Variants in CHD7 observed in about 807,000 individuals in gnomAD.
CHD7 encodes the protein chromodomain helicase DNA binding protein 7.
In CHD7, 24 loss-of-function variants were observed where a neutral mutation model predicts 307.3. The observed-to-expected ratio is 0.08, with a 90% CI of 0.06 to 0.11. The LOEUF (loss-of-function observed/expected upper bound fraction) is 0.11. CHD7 is among the 10% of genes least tolerant of loss of function. CHD7 has a pLI of 1.00. For synonymous variants in CHD7, 1,363 were observed against 1,349.9 expected (o/e 1.01, Z -0.21); for missense variants, 3,106 against 3,727.1 (o/e 0.83, Z 4.34).
Position 60,734,978 on chromosome 8 carries a change from G to C in CHD7, c.-174-6281G>C, listed in dbSNP as rs142610185. Among the ~76,000 whole-genome samples the C allele has an allele frequency of 3.9e-5, 6 of 152,362 alleles. No individual in the cohort carries two copies. In the East Asian group the frequency reaches 1.2e-3, roughly 29 times the overall value. Reference sequence around the variant, plus strand: ...AATTTTTTGTGGTTCACTAAACCATGAAGGTCTGATTACTTCAGAGCTAGT... The same window carrying C: ...AATTTTTTGTGGTTCACTAAACCATCAAGGTCTGATTACTTCAGAGCTAGT... On this transcript the variant is annotated intron_variant, in intron 1 of 37. Coordinates refer to ENST00000423902, the MANE Select transcript of CHD7 (RefSeq NM_017780.4).
chr8:60,679,516 G>T, intron 1 of CHD7: 1 of 147,378 alleles, frequency 6.8e-6, no homozygotes, highest in South Asian at 2.0e-4. Flanking sequence ...CGCCGGCGCC[G>T]AGCACGAGTT....
intron 2 of CHD7, among the ~76,000 whole-genome samples, chr8:60,776,634 A>G (rs973698012): frequency 6.6e-6 from 1 of 152,186 alleles, no homozygotes; most frequent in African/African-American, 2.4e-5. Context: ...TAGAGCCTCA[A>G]ATATTTGTTG....
intron 26 of CHD7, 188 bp downstream of exon 26, chr8:60,850,810 A>G: frequency 1.3e-6 from 1 of 746,242 alleles, no homozygotes; most frequent in South Asian, 1.9e-5. Flanking sequence ...TGATAATCTG[A>G]AACTTGTTTT....
rs533369343 is a variant in CHD7, at chr8:60,695,618, G to A, written c.-175+16536G>A. ...TTGTGTATGGGTCTACTAAAAAGGCGCATCAGCATGTTCTGTGAGAGAATA... is the reference window on the plus strand; with the variant it reads ...TTGTGTATGGGTCTACTAAAAAGGCACATCAGCATGTTCTGTGAGAGAATA... On this transcript the variant is annotated intron_variant, in intron 1 of 37. Transcript: ENST00000423902. 3.9e-5 allele frequency among the ~76,000 whole-genome samples: 6 copies of A among 152,308 alleles called. No individual in the cohort carries two copies. The East Asian group carries it at 5.8e-4, about 15-fold the overall frequency.
intron 2 of CHD7, among the ~76,000 whole-genome samples, chr8:60,774,591 A>G (rs1810864256): frequency 6.6e-6 from 1 of 152,166 alleles, no homozygotes; most frequent in African/African-American, 2.4e-5. Flanking sequence ...CTGGGCCTGC[A>G]GGGCAGCACC....
chr8:60,852,785 C>G (rs1167893116), intron 30 of CHD7, 44 bp from the exon 31 acceptor site: 1 of 1,607,822 alleles, frequency 6.2e-7, no homozygotes, highest in Admixed American at 1.7e-5. Flanking sequence ...TGTAGAATGC[C>G]CTTGAATTCT....
chr8:60,822,623 C>G lies in CHD7; in HGVS notation c.3078C>G (p.Ser1026=), dbSNP rs199607816. 1 of 1,613,832 alleles carries G rather than the reference C, an allele frequency of 6.2e-7. No homozygotes were observed. The highest frequency in any genetic ancestry group is 1.7e-5 in the Admixed American group (1 of 60,016). Residue 1026 remains serine, a synonymous_variant, in exon 12 of 38, where the codon TCC becomes TCG. Transcript: ENST00000423902. ...CTTTTTTAGTAATTGCCCCATTGTC[C>G]ACAATCCCCAACTGGGAAAGGGAAT... ...HGPFLVIAPL[S]TIPNWEREFR...
chr8:60,764,828 G>A (rs1290721524), intron 2 of CHD7, among the ~76,000 whole-genome samples: 1 of 152,208 alleles, frequency 6.6e-6, no homozygotes, highest in Non-Finnish European at 1.5e-5. Flanking sequence ...CCAGGTGAAA[G>A]GGGTGATGAA....
intron 2 of CHD7, among the ~76,000 whole-genome samples, chr8:60,769,715 G>C (rs1226578169): frequency 6.6e-6 from 1 of 152,156 alleles, no homozygotes; most frequent in Non-Finnish European, 1.5e-5. Flanking sequence ...ATTTTTACTA[G>C]TCTCTTTCTT....
chr8:60,824,903 A>G (rs528024802), intron 13 of CHD7: 2 of 152,268 alleles, frequency 1.3e-5, no homozygotes, highest in Non-Finnish European at 2.9e-5. Flanking sequence ...CCTAGTGGGA[A>G]TTGCAACATG....
intron 7 of CHD7, among the ~76,000 whole-genome samples, chr8:60,814,893 A>G (rs1388821275): frequency 6.6e-6 from 1 of 152,204 alleles, no homozygotes; most frequent in Non-Finnish European, 1.5e-5. Context: ...AATTCAGAAT[A>G]TTTGCATTAT....
At chr8:60,692,999 C>T (rs767933792) in intron 1 of CHD7, among the ~76,000 whole-genome samples, 4 of 152,170 alleles carry the variant, frequency 2.6e-5, no homozygotes, top group Non-Finnish European at 4.4e-5. Context: ...CTTCTTCCTG[C>T]AAAAGCATGA....
intron 6 of CHD7, among the ~76,000 whole-genome samples, chr8:60,806,147 G>T (rs1198514795): frequency 6.6e-6 from 1 of 152,154 alleles, no homozygotes; most frequent in Non-Finnish European, 1.5e-5. Context: ...CAGATGATGA[G>T]GTCAGGAGAT....
At chr8:60,812,917 C>A (rs1478054591) in intron 7 of CHD7, among the ~76,000 whole-genome samples, 1 of 151,878 alleles carries the variant, frequency 6.6e-6, no homozygotes, top group Non-Finnish European at 1.5e-5. Flanking sequence ...GATATTCTTG[C>A]ATGTTTATTT....
At chr8:60,713,600 A>G (rs1213249227) in intron 1 of CHD7, among the ~76,000 whole-genome samples, 2 of 152,192 alleles carry the variant, frequency 1.3e-5, no homozygotes, top group African/African-American at 4.8e-5. Context: ...GACAGGGTCA[A>G]AACATTATTT....
chr8:60,789,175 G>A lies in CHD7; in HGVS notation c.2097-5811G>A, dbSNP rs535175357. 2.0e-5 allele frequency among the ~76,000 whole-genome samples: 3 copies of A among 152,286 alleles called. No homozygotes were observed. The South Asian group carries it at 6.2e-4, about 32-fold the overall frequency. The stretch of plus-strand genomic sequence containing the variant: ...CTACCATCTAGCTGTGTATTTTAGT[G>A]TGGCAGCTCAGATCATTTTAGAGTT... On this transcript the variant is annotated intron_variant, in intron 3 of 37. Coordinates refer to ENST00000423902, the MANE Select transcript of CHD7 (RefSeq NM_017780.4).
Position 60,841,693 on chromosome 8 carries a change from C to A in CHD7, c.4583C>A (p.Pro1528Gln), listed in dbSNP as rs751330029. The A allele has an allele frequency of 1.2e-6, 2 of 1,609,430 alleles. No individual in the cohort carries two copies. The highest frequency in any genetic ancestry group is 1.7e-6 in the Non-Finnish European group (2 of 1,176,016). ...AGGACAGATATTTCCTTGGATGATCCAAATTTCTGGCAAAAGTGGGCTAAG... is the reference window on the plus strand; with the variant it reads ...AGGACAGATATTTCCTTGGATGATCAAAATTTCTGGCAAAAGTGGGCTAAG... ...GNRTDISLDD[P>Q]NFWQKWAKKA... Residue 1528 changes from proline to glutamine, a missense_variant, in exon 20 of 38, where the codon CCA becomes CAA. Coordinates refer to ENST00000423902, the MANE Select transcript of CHD7 (RefSeq NM_017780.4).
In CHD7 at chr8:60,823,389, C is replaced by CTATA. The variant is rs200859733; in HGVS notation, c.3202-446_3202-443dup. 3.1e-3 allele frequency among the ~76,000 whole-genome samples: 375 copies of CTATA among 120,492 alleles called. 1 individual carries two copies. The highest frequency in any genetic ancestry group is 0.012 in the African/African-American group (345 of 29,298). The allele number at this position is 120,492 out of a possible 152,430, so 79.0% of individuals were successfully genotyped here. A position where few individuals can be genotyped will look rare whatever the true frequency, so the allele number is the denominator to read the frequency against. On this transcript the variant is annotated intron_variant, in intron 12 of 37. Transcript: ENST00000423902. ...GATCTTTGCTATATATATGTTTTTG[C>CTATA]TATATATAGATAGATAGATAGATAG...
chr8:60,776,686 C>CT (rs1235305919), intron 2 of CHD7, among the ~76,000 whole-genome samples: 1 of 152,138 alleles, frequency 6.6e-6, no homozygotes, highest in Non-Finnish European at 1.5e-5. Context: ...AATGCATCTT[C>CT]TTTTTTATCA....
Sources: allele counts gnomAD v4.1 joint callset (sites outside exome capture counted in the v4.1 genomes callset), GRCh38; gene constraint gnomAD v4.1.1; transcripts MANE v1.5; gene names NCBI Gene and HGNC (gene_info 2026-07-23, HGNC 2026-07-21).